Variants in DCP2 observed in about 807,000 individuals in gnomAD.
DCP2 encodes decapping mRNA 2.
A neutral mutation model predicts 56.1 loss-of-function variants in DCP2; 30 were observed. The observed-to-expected ratio is 0.53, with a 90% CI of 0.40 to 0.73. The LOEUF (loss-of-function observed/expected upper bound fraction) is 0.73, where lower values mean the gene tolerates loss of function less well. Among genes scored for constraint, DCP2 ranks in the 30% least tolerant of loss-of-function variants. The pLI is 0.00. For missense variants in DCP2, 533 were observed against 502.7 expected (o/e 1.06, Z -0.58); for synonymous variants, 197 against 163.3 (o/e 1.21, Z -1.57).
At chr5:112,985,271 AAATAT>A (rs570137842) in intron 1 of DCP2, among the ~76,000 whole-genome samples, 64 of 152,298 alleles carry the variant, frequency 4.2e-4, no homozygotes, top group Admixed American at 3.4e-3. Flanking sequence ...TATGTAAAAG[AAATAT>A]GTCTTTCCTT....
At chr5:112,979,583 T>G (rs1580788068) in intron 1 of DCP2, among the ~76,000 whole-genome samples, 1 of 152,198 alleles carries the variant, frequency 6.6e-6, no homozygotes, top group East Asian at 1.9e-4. Flanking sequence ...ATAGGAAGTT[T>G]TCTTTTGTGT....
Position 113,001,358 on chromosome 5 carries a change from A to T in DCP2, c.587A>T (p.Asn196Ile), listed in dbSNP as rs766424495. 6.2e-7 allele frequency: 1 copy of T among 1,609,176 alleles called. No individual in the cohort carries two copies. Among genetic ancestry groups the T allele is most frequent in the South Asian group, 1.1e-5 (1 of 89,550 alleles). ...FNPKTRREIR[N>I]IEWFSIEKLP... ...GAATTATTTTCTTCTGTGTTTCAGA[A>T]CATTGAGTGGTTCTCTATTGAGAAA... The change falls in exon 6 of 11, where the codon AAC becomes ATC. Residue 196 changes from asparagine (N) to isoleucine (I), a missense_variant and splice_region_variant. Asn to Ile is a moderately radical substitution (Grantham distance 149). Transcript: ENST00000389063.
At chr5:112,990,070 T>C (rs895956984) in intron 2 of DCP2, among the ~76,000 whole-genome samples, 7 of 152,184 alleles carry the variant, frequency 4.6e-5, no homozygotes, top group Non-Finnish European at 1.0e-4. Context: ...GAAGCACATA[T>C]ATTTGTACAT....
intron 1 of DCP2, among the ~76,000 whole-genome samples, chr5:112,982,869 A>G (rs1748077355): frequency 6.6e-6 from 1 of 152,136 alleles, no homozygotes; most frequent in Non-Finnish European, 1.5e-5. Flanking sequence ...ATGGTAGGTG[A>G]TTTTTGGATG....
At chr5:113,007,846 G>T in intron 8 of DCP2, 92 bp from the exon 9 acceptor site, 1 of 1,125,202 alleles carries the variant, frequency 8.9e-7, no homozygotes, top group Non-Finnish European at 1.2e-6. Context: ...CTAAAAACTT[G>T]GTTCAACCAG....
chr5:112,982,180 C>T (rs1032816818), intron 1 of DCP2, among the ~76,000 whole-genome samples: 2 of 134,240 alleles, frequency 1.5e-5, no homozygotes, highest in Non-Finnish European at 3.0e-5. Context: ...TGTACATGTA[C>T]TCCTCTCTAA....
chr5:113,012,284 C>T (rs1018469329), intron 10 of DCP2, among the ~76,000 whole-genome samples: 1 of 152,108 alleles, frequency 6.6e-6, no homozygotes, highest in Admixed American at 6.5e-5. Context: ...CACTTGCGCC[C>T]AGGAGGTTGA....
intron 2 of DCP2, 63 bp downstream of exon 2, chr5:112,986,049 C>G (rs1294637824): frequency 1.4e-6 from 2 of 1,440,338 alleles, no homozygotes; most frequent in East Asian, 2.3e-5. Context: ...GCACAAATTT[C>G]TTTTTGCTTG....
At chr5:112,998,673 A>G (rs1224650111) in intron 4 of DCP2, among the ~76,000 whole-genome samples, 1 of 152,228 alleles carries the variant, frequency 6.6e-6, no homozygotes, top group Non-Finnish European at 1.5e-5. Flanking sequence ...GTATGTAGAG[A>G]AGAATAGATT....
At position 112,988,538 on chromosome 5, in the gene DCP2, G is replaced by A. The variant is rs572331525; in HGVS notation, c.205+2552G>A. ...AAAAAATGGTATCCAAGATTTATTG[G>A]TTGGTCTGTTACATCACTTGACGTT... On this transcript the variant is annotated intron_variant, in intron 2 of 10. Coordinates refer to ENST00000389063, the MANE Select transcript of DCP2 (RefSeq NM_152624.6). 4.7e-5 allele frequency among the ~76,000 whole-genome samples: 7 copies of A among 148,806 alleles called. No individual in the cohort carries two copies. In the East Asian group the frequency reaches 1.4e-3, roughly 29 times the overall value.
chr5:112,987,642 TTTTG>T (rs1336135497), intron 2 of DCP2, among the ~76,000 whole-genome samples: 21 of 144,616 alleles, frequency 1.5e-4, no homozygotes, highest in Non-Finnish European at 3.2e-4. Flanking sequence ...TTTTTTTTTT[TTTTG>T]TATTTTTAGT....
chr5:113,010,570 T>C (rs189783907), intron 9 of DCP2, among the ~76,000 whole-genome samples, 186 bp from the exon 10 acceptor site: 3 of 150,894 alleles, frequency 2.0e-5, no homozygotes, highest in Admixed American at 2.0e-4. Flanking sequence ...CTAAAAAAAA[T>C]TTTAGGTGTG....
At chr5:113,008,292 G>A (rs1213540777) in intron 9 of DCP2, 3 of 344,012 alleles carry the variant, frequency 8.7e-6, no homozygotes, top group Middle Eastern at 7.6e-4. Context: ...ATATCAATGT[G>A]TACTCAAACC....
At chr5:112,997,105 C>G (rs910078692) in intron 4 of DCP2, among the ~76,000 whole-genome samples, 2 of 152,152 alleles carry the variant, frequency 1.3e-5, no homozygotes, top group Non-Finnish European at 1.5e-5. Context: ...GCTATTAGCT[C>G]TTTTTCTCCA....
chr5:112,995,362 A>C (rs1169764013), intron 4 of DCP2, among the ~76,000 whole-genome samples: 2 of 152,194 alleles, frequency 1.3e-5, no homozygotes, highest in East Asian at 1.9e-4. Context: ...TATTTCCTCA[A>C]ACTTTGTAGT....
rs554345665 is a variant in DCP2 at position 112,992,745 on chromosome 5, C to T, written c.407C>T (p.Ala136Val). 1.3e-6 allele frequency: 2 copies of T among 1,590,354 alleles called. No homozygotes were observed. Among genetic ancestry groups the T allele is most frequent in the Non-Finnish European group, 1.7e-6 (2 of 1,173,994 alleles). Residue 136 changes from alanine (A) to valine (V), a missense_variant, in exon 4 of 11, where the codon GCT (alanine) becomes GTT (valine). Coordinates refer to ENST00000389063, the MANE Select transcript of DCP2 (RefSeq NM_152624.6). Reference protein sequence around the residue: ...FPKGKVNKEEAPHDCAAREVF... With the variant: ...FPKGKVNKEEVPHDCAAREVF... ...AAAGGAAAAGTAAATAAAGAAGAAGCTCCTCATGATTGTGCTGCTAGAGAG... is the reference window on the plus strand; with the variant it reads ...AAAGGAAAAGTAAATAAAGAAGAAGTTCCTCATGATTGTGCTGCTAGAGAG...
At position 113,000,420 on chromosome 5, in the gene DCP2, A is replaced by ACACACACACACACACACACCCC. The variant is rs112449298; in HGVS notation, c.433-659_433-658insACACACACACACACCCCCACAC. ...CTAATACACACACACACACACACAC[A>ACACACACACACACACACACCCC]CACACCCACACACCCTACCTGAGTT... is the stretch of plus-strand genomic sequence containing the variant. On this transcript the variant is annotated intron_variant, in intron 4 of 10. Transcript: ENST00000389063. Among the ~76,000 whole-genome samples, 479 of 146,760 alleles carry ACACACACACACACACACACCCC rather than the reference A, an allele frequency of 3.3e-3. 17 individuals are homozygous for ACACACACACACACACACACCCC. The highest frequency in any genetic ancestry group is 0.012 in the African/African-American group (462 of 39,838).
intron 7 of DCP2, among the ~76,000 whole-genome samples, chr5:113,002,068 A>T (rs888372014): frequency 1.3e-5 from 2 of 152,094 alleles, no homozygotes; most frequent in Non-Finnish European, 2.9e-5. Flanking sequence ...TGTAGGGGAG[A>T]GGAAGGATGC....
intron 8 of DCP2, among the ~76,000 whole-genome samples, chr5:113,005,158 GT>G (rs1749366672): frequency 6.7e-6 from 1 of 148,816 alleles, no homozygotes. Context: ...GTGGGTGTGT[GT>G]GTGTGTGTGT....
Sources: gnomAD v4.1 joint callset for allele counts (sites outside exome capture counted in the v4.1 genomes callset) on GRCh38, gnomAD v4.1.1 for gene constraint, MANE v1.5 for transcripts, NCBI Gene and HGNC (gene_info 2026-07-23, HGNC 2026-07-21) for gene names.